Variants in TTLL2 observed in about 807,000 individuals in gnomAD.
The protein encoded by TTLL2 is tubulin tyrosine ligase like 2, also known as probable tubulin polyglutamylase TTLL2.
TTLL2 carries 10 observed loss-of-function variants against 7.5 expected under a neutral mutation model. The observed-to-expected ratio is 1.33, with a 90% CI of 0.82 to 2.25. The LOEUF is 2.25. TTLL2 is among the 30% of genes most tolerant of loss of function. The pLI is 0.00. For synonymous variants in TTLL2, 284 were observed against 280.3 expected, an observed-to-expected ratio of 1.01 and a Z score of -0.13; for missense variants, 733 against 735.7, an observed-to-expected ratio of 1.00 and a Z score of 0.04.
At chr6:167,338,848 C>T (rs1156630710) in intron 2 of TTLL2, 45 bp downstream of exon 2, 3 of 1,447,108 alleles carry the variant, frequency 2.1e-6, no homozygotes, top group Non-Finnish European at 2.8e-6. Flanking sequence ...TCCTTCCTTC[C>T]TTCCTTCCTT....
chr6:167,336,885 A>T (rs528243011), intron 1 of TTLL2, among the ~76,000 whole-genome samples: 134 of 152,304 alleles, frequency 8.8e-4, no homozygotes, highest in Admixed American at 1.3e-3. Context: ...CATTTAACTG[A>T]AAAGAAGCAT....
At chr6:167,325,806 A>C (rs1422315668) in intron 1 of TTLL2, among the ~76,000 whole-genome samples, 3 of 151,468 alleles carry the variant, frequency 2.0e-5, no homozygotes, top group African/African-American at 7.4e-5. Context: ...GTGGGCATTC[A>C]TGCTGGGCTT....
chr6:167,328,993 G>A (rs997780989), intron 1 of TTLL2, among the ~76,000 whole-genome samples: 1 of 152,110 alleles, frequency 6.6e-6, no homozygotes, highest in Non-Finnish European at 1.5e-5. Flanking sequence ...CTATGTGGAG[G>A]TCTGACTGCA....
Position 167,340,492 on chromosome 6 carries a change from G to A in TTLL2, c.592G>A (p.Glu198Lys), listed in dbSNP as rs1320972196. The change falls in exon 3 of 3, where the codon GAG becomes AAG. Residue 198 changes from glutamate to lysine, a missense_variant. Transcript: ENST00000239587. Reference sequence around the variant, plus strand: ...CAAGTTCGTGGCTGAATACTTTCAGGAGAGGCAGATGCTGGGCACCAAGCA... The same window carrying A: ...CAAGTTCGTGGCTGAATACTTTCAGAAGAGGCAGATGCTGGGCACCAAGCA... ...YTKFVAEYFQ[E>K]RQMLGTKHSY... 1.9e-6 allele frequency: 3 copies of A among 1,614,054 alleles called. No individual in the cohort carries two copies. The highest frequency in any genetic ancestry group is 4.5e-5 in the East Asian group (2 of 44,892).
rs141328881 is a variant in TTLL2, at chr6:167,340,144, G to C, written c.244G>C (p.Ala82Pro). 149 of 1,600,514 alleles carry C rather than the reference G, an allele frequency of 9.3e-5. No homozygotes were observed. In the East Asian group the frequency reaches 3.1e-3, roughly 33 times the overall value. ...GATGGCGGAAGATGAACCTTCAGGG[G>C]CCCTCTTGAAGCCGCTGGTTTTTCG... ...HLMAEDEPSGALLKPLVFRVD... is the reference protein window; with the variant it reads ...HLMAEDEPSGPLLKPLVFRVD... Residue 82 changes from alanine to proline, a missense_variant, in exon 3 of 3, where the codon GCC becomes CCC. Physicochemically the swap from Ala to Pro is conservative, Grantham distance 27 (BLOSUM62 -1). Transcript: ENST00000239587.
At chr6:167,337,804 C>T (rs1583111823) in intron 1 of TTLL2, among the ~76,000 whole-genome samples, 1 of 151,572 alleles carries the variant, frequency 6.6e-6, no homozygotes, top group East Asian at 1.9e-4. Context: ...CACATACACA[C>T]AGATAACACA....
At position 167,340,573 on chromosome 6, in the gene TTLL2, T is replaced by C; in HGVS notation, c.673T>C (p.Phe225Leu). The change falls in exon 3 of 3, where the codon TTC (phenylalanine) becomes CTC (leucine). Residue 225 changes from phenylalanine to leucine, a missense_variant. By Grantham distance (22) the Phe-to-Leu change is conservative (BLOSUM62 0). Transcript: ENST00000239587. ...ATCTCGTGGGAGGGGGATACTAATT[T>C]TCAGTGACTTTAAAGACTTCATCTT... ...ELSRGRGILI[F>L]SDFKDFIFDD... 6.2e-7 allele frequency: 1 copy of C among 1,614,190 alleles called. No homozygotes were observed. Among genetic ancestry groups the C allele is most frequent in the South Asian group, 1.1e-5 (1 of 91,068 alleles).
intron 1 of TTLL2, among the ~76,000 whole-genome samples, chr6:167,331,775 A>G (rs1778922952): frequency 6.6e-6 from 1 of 152,160 alleles, no homozygotes; most frequent in Non-Finnish European, 1.5e-5. Flanking sequence ...CCACTCATAC[A>G]CTGGCGAGTG....
At chr6:167,331,748 C>G (rs945671147) in intron 1 of TTLL2, among the ~76,000 whole-genome samples, 7 of 152,148 alleles carry the variant, frequency 4.6e-5, no homozygotes, top group African/African-American at 1.7e-4. Context: ...TGGCCAATCC[C>G]CGCAGCTGTA....
At position 167,341,957 on chromosome 6, in the gene TTLL2, T is replaced by A. The variant is rs1779104312; in HGVS notation, c.*278T>A. 2.5e-6 allele frequency: 1 copy of A among 392,472 alleles called. No individual in the cohort carries two copies. Among genetic ancestry groups the A allele is most frequent in the Non-Finnish European group, 4.5e-6 (1 of 220,326 alleles). 24.3% of individuals were successfully genotyped at this position (392,472 alleles called of 1,614,324 possible). On this transcript the variant is annotated 3_prime_UTR_variant, in exon 3 of 3. Transcript: ENST00000239587. Reference sequence around the variant, plus strand: ...ACAGCCTCCCACCAGTAATTGAATGTGCTACACTACGATTATGCTATGTAT... The same window carrying A: ...ACAGCCTCCCACCAGTAATTGAATGAGCTACACTACGATTATGCTATGTAT...
Position 167,340,187 on chromosome 6 carries a change from CG to C in TTLL2, c.289del (p.Ala97LeufsTer36). On this transcript the variant is annotated frameshift_variant, in exon 3 of 3. Transcript: ENST00000239587. LOFTEE classifies it low-confidence loss of function (END_TRUNC). ...GTTTTTCGCGTTGACGAGACCACCCCGGCTGTGGTGCAAAGCGTCCTCCTGG... is the reference window on the plus strand; with the variant it reads ...GTTTTTCGCGTTGACGAGACCACCCCGCTGTGGTGCAAAGCGTCCTCCTGG... ...PLVFRVDETT[P>X]AVVQSVLLER... The C allele has an allele frequency of 6.2e-7, 1 of 1,613,770 alleles. No individual in the cohort carries two copies. Among genetic ancestry groups the C allele is most frequent in the Non-Finnish European group, 8.5e-7 (1 of 1,179,838 alleles).
In TTLL2 at chr6:167,341,071, C is replaced by T; in HGVS notation, c.1171C>T (p.Pro391Ser). The T allele has an allele frequency of 6.2e-7, 1 of 1,613,736 alleles. No homozygotes were observed. The highest frequency in any genetic ancestry group is 2.2e-5 in the East Asian group (1 of 44,878). The change falls in exon 3 of 3, where the codon CCA becomes TCA. Residue 391 changes from proline to serine, a missense_variant. Transcript: ENST00000239587. The stretch of plus-strand genomic sequence containing the variant: ...ATGGCTTTTAGAGGTCAACTACAGC[C>T]CAGCCTTGACCTTGGATTGTTCAAC... Reference protein sequence around the residue: ...KPWLLEVNYSPALTLDCSTDV... With the variant: ...KPWLLEVNYSSALTLDCSTDV...
chr6:167,333,307 GGA>G (rs1778945163), intron 1 of TTLL2, among the ~76,000 whole-genome samples: 1 of 97,420 alleles, frequency 1.0e-5, no homozygotes, highest in Admixed American at 1.1e-4. Context: ...TGATCATTGT[GGA>G]TAAGCTTTTT....
chr6:167,337,454 A>G lies in TTLL2; in HGVS notation c.48-1193A>G, dbSNP rs146892540. On this transcript the variant is annotated intron_variant, in intron 1 of 2. Transcript: ENST00000239587. ...AGGCACGGTGGAGCCTGGGGGGTCC[A>G]GGCCAGGCCCTAAAAGCCTATTCCA... is the stretch of plus-strand genomic sequence containing the variant. 8.3e-3 allele frequency among the ~76,000 whole-genome samples: 1,263 copies of G among 152,278 alleles called. 16 individuals are homozygous for G. The highest frequency in any genetic ancestry group is 0.014 in the South Asian group (69 of 4,824).
chr6:167,338,852 C>CTTCCTTCCTTCCTTCTTTCCTTCCTTCT, intron 2 of TTLL2, 49 bp downstream of exon 2: 1 of 1,455,628 alleles, frequency 6.9e-7, no homozygotes, highest in Non-Finnish European at 9.2e-7. Flanking sequence ...TCCTTCCTTC[C>CTTCCTTCCTTCCTTCTTTCCTTCCTTCT]TTCCTTCCTT....
At chr6:167,339,817 A>G (rs1307010275) in intron 2 of TTLL2, among the ~76,000 whole-genome samples, 1 of 152,222 alleles carries the variant, frequency 6.6e-6, no homozygotes, top group Non-Finnish European at 1.5e-5. Flanking sequence ...CCTCAAAAGT[A>G]TGATAGAGTA....
chr6:167,340,983 C>T lies in TTLL2; in HGVS notation c.1083C>T (p.Pro361=). 6.2e-7 allele frequency: 1 copy of T among 1,614,090 alleles called. No homozygotes were observed. Among genetic ancestry groups the T allele is most frequent in the African/African-American group, 1.3e-5 (1 of 74,984 alleles). ...LTILAIAPSV[P]FAANCFELFG... ...TTCTCGCCATTGCACCATCTGTCCC[C>T]TTTGCTGCCAATTGCTTTGAGCTCT... is the stretch of plus-strand genomic sequence containing the variant. The change falls in exon 3 of 3, where the codon CCC becomes CCT. Residue 361 remains proline (P), a synonymous_variant. Coordinates refer to ENST00000239587, the MANE Select transcript of TTLL2 (RefSeq NM_031949.5).
Position 167,330,401 on chromosome 6 carries a change from T to C in TTLL2, c.47+5181T>C, listed in dbSNP as rs139090215. Among the ~76,000 whole-genome samples, 61 of 151,966 alleles carry C rather than the reference T, an allele frequency of 4.0e-4. 3 individuals are homozygous for C. In the East Asian group the frequency reaches 0.012, roughly 29 times the overall value. ...GGTGAAACCCCGTCTCTACTAAAAA[T>C]ACAAAACAAATTATCCAGGCGTGGT... is the stretch of plus-strand genomic sequence containing the variant. On this transcript the variant is annotated intron_variant, in intron 1 of 2. Transcript: ENST00000239587.
At position 167,340,585 on chromosome 6, in the gene TTLL2, A is replaced by T; in HGVS notation, c.685A>T (p.Lys229Ter). ...GGGGATACTAATTTTCAGTGACTTT[A>T]AAGACTTCATCTTTGATGATATGTA... is the stretch of plus-strand genomic sequence containing the variant. The part of the protein sequence containing the change: ...GRGILIFSDF[K>*]DFIFDDMYIV... Residue 229 changes from lysine (K) to a stop codon, truncating the protein, a stop_gained, in exon 3 of 3, where the codon AAA becomes TAA. Transcript: ENST00000239587. LOFTEE classifies it low-confidence loss of function (END_TRUNC). 1.2e-6 allele frequency: 2 copies of T among 1,614,196 alleles called. No homozygotes were observed. The highest frequency in any genetic ancestry group is 1.1e-5 in the South Asian group (1 of 91,086).
Sources: gnomAD v4.1 joint callset for allele counts (sites outside exome capture counted in the v4.1 genomes callset) on GRCh38, gnomAD v4.1.1 for gene constraint, MANE v1.5 for transcripts, NCBI Gene and HGNC (gene_info 2026-07-23, HGNC 2026-07-21) for gene names.